GMDS: variants seen among roughly 807,000 people sequenced by gnomAD.
The protein encoded by GMDS is GDP-mannose 4,6-dehydratase, also known as GDP-mannose 4,6 dehydratase.
A neutral mutation model predicts 49.9 loss-of-function variants in GMDS; 20 were observed. The ratio of observed to expected loss-of-function variants is 0.40; its 90% CI spans 0.28 to 0.58. The LOEUF is 0.58. Ranked by LOEUF, GMDS falls within the 20% of genes least tolerant of loss-of-function variation. The probability of loss-of-function intolerance (pLI) is 0.42; values close to 1 mark genes in which losing one functional copy is unlikely to be tolerated. For missense variants in GMDS, 362 were observed against 481.4 expected (o/e 0.75, Z 2.32); for synonymous variants, 177 against 178.6 (o/e 0.99, Z 0.07).
At chr6:2,223,715 A>G (rs918144933) in intron 1 of GMDS, among the ~76,000 whole-genome samples, 2 of 152,170 alleles carry the variant, frequency 1.3e-5, no homozygotes, top group Admixed American at 6.5e-5. Context: ...GCTTTGAAAT[A>G]GGGTGGGGAA....
rs111813765 is a variant in GMDS, at chr6:1,827,078, A to ATGTGTGTG, written c.772-84500_772-84493dup. Among the ~76,000 whole-genome samples, 686 of 125,264 alleles carry ATGTGTGTG rather than the reference A, an allele frequency of 5.5e-3. 5 individuals carry two copies. The highest frequency in any genetic ancestry group is 7.2e-3 in the East Asian group (31 of 4,282). The allele number at this position is 125,264 out of a possible 152,430, so 82.2% of individuals were successfully genotyped here. On this transcript the variant is annotated intron_variant, in intron 7 of 10. Coordinates refer to ENST00000380815, the MANE Select transcript of GMDS (RefSeq NM_001500.4). ...TACGCTGTCTCTTAAAAAAATATAT[A>ATGTGTGTG]TGTGTGTGTGTGTGTGTGTGTGTGT...
At chr6:2,138,143 G>T in intron 1 of GMDS, among the ~76,000 whole-genome samples, 1 of 151,482 alleles carries the variant, frequency 6.6e-6, no homozygotes, top group Non-Finnish European at 1.5e-5. Flanking sequence ...TGTTATTTTT[G>T]GCAAAAAAAA....
intron 6 of GMDS, among the ~76,000 whole-genome samples, chr6:1,934,020 T>G (rs1327729964): frequency 6.6e-6 from 1 of 152,212 alleles, no homozygotes; most frequent in Admixed American, 6.5e-5. Context: ...TTCTTACATT[T>G]GAATTTTTGA....
At chr6:1,785,125 G>T (rs1769265089) in intron 7 of GMDS, among the ~76,000 whole-genome samples, 1 of 152,108 alleles carries the variant, frequency 6.6e-6, no homozygotes, top group South Asian at 2.1e-4. Flanking sequence ...CTAAGAAGTT[G>T]ACCCATTATT....
At chr6:2,011,790 C>T (rs201134536) in intron 4 of GMDS, among the ~76,000 whole-genome samples, 6 of 152,256 alleles carry the variant, frequency 3.9e-5, no homozygotes, top group South Asian at 2.1e-4. Flanking sequence ...AGCGTGGTCG[C>T]GCATTACCTA....
At chr6:1,867,184 T>G (rs1442683445) in intron 7 of GMDS, among the ~76,000 whole-genome samples, 3 of 152,224 alleles carry the variant, frequency 2.0e-5, no homozygotes, top group Non-Finnish European at 2.9e-5. Context: ...AAGTTGTAAA[T>G]TGTGACCATT....
rs73716947 is a variant in GMDS, at chr6:2,103,395, T to G, written c.345+12376A>C. On this transcript the variant is annotated intron_variant, in intron 4 of 10. Transcript: ENST00000380815. The stretch of plus-strand genomic sequence containing the variant: ...ACAAGAGAGACTTGCCAGATACTGC[T>G]TTTAAGCACGTTGTTATACACACCT... Among the ~76,000 whole-genome samples the G allele has an allele frequency of 4.3e-3, 658 of 152,320 alleles. 10 individuals are homozygous for G. The highest frequency in any genetic ancestry group is 0.015 in the African/African-American group (636 of 41,562).
At chr6:2,195,130 T>C (rs980609701) in intron 1 of GMDS, among the ~76,000 whole-genome samples, 3 of 152,238 alleles carry the variant, frequency 2.0e-5, no homozygotes, top group African/African-American at 7.2e-5. Context: ...AAAGCTTGCA[T>C]CTTTTCTCCA....
intron 9 of GMDS, among the ~76,000 whole-genome samples, chr6:1,690,527 T>C (rs1024341019): frequency 2.0e-5 from 3 of 152,226 alleles, no homozygotes; most frequent in African/African-American, 4.8e-5. Context: ...CAGACGGTTG[T>C]AGACGTGCAG....
intron 4 of GMDS, among the ~76,000 whole-genome samples, chr6:2,076,254 T>G (rs1002462641): frequency 6.6e-6 from 1 of 152,158 alleles, no homozygotes; most frequent in Non-Finnish European, 1.5e-5. Context: ...CTCTTTAGAT[T>G]AATTAGATCC....
intron 7 of GMDS, among the ~76,000 whole-genome samples, chr6:1,910,008 A>G (rs1247061483): frequency 1.3e-5 from 2 of 152,158 alleles, no homozygotes; most frequent in African/African-American, 4.8e-5. Flanking sequence ...TAAAATGTAC[A>G]CTGGATTTTG....
At chr6:2,089,092 A>C (rs1316536021) in intron 4 of GMDS, among the ~76,000 whole-genome samples, 2 of 152,252 alleles carry the variant, frequency 1.3e-5, no homozygotes, top group Non-Finnish European at 2.9e-5. Context: ...CAGCGTATAG[A>C]TTCATTTAAA....
At chr6:2,236,009 G>A (rs1305230727) in intron 1 of GMDS, among the ~76,000 whole-genome samples, 1 of 152,154 alleles carries the variant, frequency 6.6e-6, no homozygotes, top group Admixed American at 6.5e-5. Context: ...CAGGACATCT[G>A]TAGATAGCAT....
At chr6:1,759,893 G>T (rs1042215042) in intron 7 of GMDS, among the ~76,000 whole-genome samples, 1 of 151,932 alleles carries the variant, frequency 6.6e-6, no homozygotes, top group African/African-American at 2.4e-5. Context: ...TGCCTACTGC[G>T]CCCCAGCCCC....
At chr6:2,090,405 C>T (rs961990331) in intron 4 of GMDS, among the ~76,000 whole-genome samples, 1 of 152,138 alleles carries the variant, frequency 6.6e-6, no homozygotes, top group Admixed American at 6.5e-5. Flanking sequence ...GTTATAAACA[C>T]ATTTATACAC....
intron 1 of GMDS, among the ~76,000 whole-genome samples, chr6:2,174,394 G>A (rs234927): frequency 0.041 from 6,192 of 152,196 alleles, 254 homozygotes; most frequent in South Asian, 0.13. Context: ...TTTAATGGGT[G>A]AATTTCATCT....
chr6:1,976,297 A>G (rs975786187), intron 4 of GMDS, among the ~76,000 whole-genome samples: 2 of 152,218 alleles, frequency 1.3e-5, no homozygotes, highest in Non-Finnish European at 2.9e-5. Context: ...GAGGAGGCCA[A>G]TCTCTTGAGA....
At chr6:2,055,654 T>G (rs1213692870) in intron 4 of GMDS, among the ~76,000 whole-genome samples, 1 of 152,132 alleles carries the variant, frequency 6.6e-6, no homozygotes, top group Middle Eastern at 3.2e-3. Flanking sequence ...TCCCCTTGGT[T>G]TATATTCCTT....
intron 7 of GMDS, among the ~76,000 whole-genome samples, chr6:1,877,681 C>T (rs1199354135): frequency 7.2e-6 from 1 of 138,264 alleles, no homozygotes; most frequent in Non-Finnish European, 1.5e-5. Flanking sequence ...AGGTCCAATA[C>T]AGGTTATTTG....
Sources: allele counts gnomAD v4.1 joint callset (sites outside exome capture counted in the v4.1 genomes callset), GRCh38; gene constraint gnomAD v4.1.1; transcripts MANE v1.5; gene names NCBI Gene and HGNC (gene_info 2026-07-23, HGNC 2026-07-21).